Variants in INPP5A observed in about 807,000 individuals in gnomAD.
INPP5A encodes inositol polyphosphate-5-phosphatase A.
In INPP5A, 14 loss-of-function variants were observed where a neutral mutation model predicts 65.2. The observed-to-expected ratio is 0.21, with a 90% CI of 0.14 to 0.34. The LOEUF is 0.34. Among genes scored for constraint, INPP5A ranks in the 10% least tolerant of loss-of-function variants. The pLI is 1.00. For synonymous variants in INPP5A, 207 were observed against 208.3 expected, an observed-to-expected ratio of 0.99 and a Z score of 0.05; for missense variants, 431 against 545.6, an observed-to-expected ratio of 0.79 and a Z score of 2.09.
intron 13 of INPP5A, among the ~76,000 whole-genome samples, chr10:132,779,762 C>T (rs1847127197): frequency 6.6e-6 from 1 of 152,254 alleles, no homozygotes; most frequent in Non-Finnish European, 1.5e-5. Flanking sequence ...CAGCCTCATC[C>T]ATCATGACAC....
chr10:132,552,840 A>G (rs1222234058), intron 1 of INPP5A, among the ~76,000 whole-genome samples: 23 of 109,446 alleles, frequency 2.1e-4, no homozygotes, highest in South Asian at 6.1e-4. Context: ...TGGCATATTG[A>G]GTAGGACAGG....
intron 4 of INPP5A, among the ~76,000 whole-genome samples, chr10:132,690,136 C>T (rs1352460329): frequency 6.6e-6 from 1 of 152,242 alleles, no homozygotes; most frequent in Non-Finnish European, 1.5e-5. Flanking sequence ...CACTCAATGC[C>T]TGGCCCGTGG....
chr10:132,715,084 C>T (rs1246923054), intron 8 of INPP5A, among the ~76,000 whole-genome samples: 1 of 152,198 alleles, frequency 6.6e-6, no homozygotes, highest in African/African-American at 2.4e-5. Flanking sequence ...CAGCCCCGGT[C>T]CCTCTCCTGG....
chr10:132,736,254 G>T (rs1035517251), intron 9 of INPP5A, among the ~76,000 whole-genome samples: 1 of 152,226 alleles, frequency 6.6e-6, no homozygotes, highest in Non-Finnish European at 1.5e-5. Context: ...CAGCTGGGGC[G>T]CTCAGCTGGC....
At chr10:132,634,467 C>T (rs2072315882) in intron 2 of INPP5A, among the ~76,000 whole-genome samples, 3 of 151,770 alleles carry the variant, frequency 2.0e-5, no homozygotes, top group African/African-American at 7.3e-5. Flanking sequence ...GAGGAGTATG[C>T]ATTCTGTGTT....
At chr10:132,688,973 G>A (rs1301095872) in intron 4 of INPP5A, among the ~76,000 whole-genome samples, 2 of 152,004 alleles carry the variant, frequency 1.3e-5, no homozygotes, top group Non-Finnish European at 2.9e-5. Flanking sequence ...GTGTGCATGA[G>A]TGTATGTGTG....
intron 9 of INPP5A, among the ~76,000 whole-genome samples, chr10:132,728,154 T>G (rs937304572): frequency 6.6e-6 from 1 of 152,176 alleles, no homozygotes; most frequent in Non-Finnish European, 1.5e-5. Context: ...TGCCTAAACG[T>G]TCAGTGGCTC....
chr10:132,544,210 C>T (rs1326185217), intron 1 of INPP5A, among the ~76,000 whole-genome samples: 1 of 152,248 alleles, frequency 6.6e-6, no homozygotes, highest in East Asian at 1.9e-4. Flanking sequence ...GTGCCCACTC[C>T]CAGCGAGAAG....
At chr10:132,664,135 G>T (rs2072773472) in intron 4 of INPP5A, among the ~76,000 whole-genome samples, 1 of 152,212 alleles carries the variant, frequency 6.6e-6, no homozygotes, top group East Asian at 1.9e-4. Flanking sequence ...TTGTTGTTCT[G>T]TTCATTTGGC....
At chr10:132,688,692 C>T (rs994838148) in intron 4 of INPP5A, among the ~76,000 whole-genome samples, 8 of 148,862 alleles carry the variant, frequency 5.4e-5, no homozygotes, top group South Asian at 2.1e-4. Flanking sequence ...TGCATGAGTG[C>T]ATGTGTGTGC....
At chr10:132,771,679 C>G (rs939205853) in intron 12 of INPP5A, among the ~76,000 whole-genome samples, 1 of 115,418 alleles carries the variant, frequency 8.7e-6, no homozygotes, top group African/African-American at 3.7e-5. Flanking sequence ...GACAGACACT[C>G]AGCACTGACA....
At chr10:132,712,264 TTGTG>T (rs771392243) in intron 8 of INPP5A, among the ~76,000 whole-genome samples, 54 of 152,150 alleles carry the variant, frequency 3.5e-4, no homozygotes, top group Admixed American at 1.6e-3. Flanking sequence ...ATGTATGTAA[TTGTG>T]TGTGTGCACA....
rs950197184 is a variant in INPP5A at position 132,547,826 on chromosome 10, T to C, written c.75+9655T>C. On this transcript the variant is annotated intron_variant, in intron 1 of 15. Coordinates refer to ENST00000368594, the MANE Select transcript of INPP5A (RefSeq NM_005539.5). The surrounding 1 kb of genome is among the most constrained non-coding windows in gnomAD (Gnocchi z 5.5). ...AAGCTCCCTTCCTGTCATACTGTGCTTTACCGTGACTGTGGCGTCACACTC... is the reference window on the plus strand; with the variant it reads ...AAGCTCCCTTCCTGTCATACTGTGCCTTACCGTGACTGTGGCGTCACACTC... 2.0e-5 allele frequency among the ~76,000 whole-genome samples: 3 copies of C among 152,166 alleles called. No individual in the cohort carries two copies. Among genetic ancestry groups the C allele is most frequent in the African/African-American group, 7.2e-5 (3 of 41,438 alleles).
rs142131886 is a variant in INPP5A at position 132,757,579 on chromosome 10, C to T, written c.903+7734C>T. ...TCGCCTAAGGGTGCGTTTCTCAGACCGTATCCCCGTCGTTCCGTGACACGT... is the reference window on the plus strand; with the variant it reads ...TCGCCTAAGGGTGCGTTTCTCAGACTGTATCCCCGTCGTTCCGTGACACGT... On this transcript the variant is annotated intron_variant, in intron 11 of 15. Coordinates refer to ENST00000368594, the MANE Select transcript of INPP5A (RefSeq NM_005539.5). Among the ~76,000 whole-genome samples, 62 of 152,356 alleles carry T rather than the reference C, an allele frequency of 4.1e-4. No homozygotes were observed. The East Asian group carries it at 7.5e-3, about 18-fold the overall frequency.
chr10:132,564,962 C>A (rs2071254937), intron 1 of INPP5A, among the ~76,000 whole-genome samples: 1 of 152,220 alleles, frequency 6.6e-6, no homozygotes, highest in South Asian at 2.1e-4. Context: ...CCACCCCGCT[C>A]CCCACAGCAG....
rs1020230355 is a variant in INPP5A, at chr10:132,538,061, CG to C, written c.-35del. The C allele has an allele frequency of 5.7e-6, 6 of 1,054,794 alleles. No individual in the cohort carries two copies. Among genetic ancestry groups the C allele is most frequent in the Non-Finnish European group, 6.9e-6 (6 of 870,900 alleles). 65.3% of individuals were successfully genotyped at this position (1,054,794 alleles called of 1,614,324 possible). On this transcript the variant is annotated 5_prime_UTR_variant, in exon 1 of 16. Transcript: ENST00000368594. This position sits in a 1 kb window ranked among gnomAD's most constrained non-coding sequence, Gnocchi z 4.1. ...TCCCGGAGGAAGCGGCCGCCGCCGC[CG>C]CCGCCCAGCCCAGCGCCCGCGCCGC... is the stretch of plus-strand genomic sequence containing the variant.
chr10:132,644,228 G>A lies in INPP5A; in HGVS notation c.118-1640G>A, dbSNP rs748576322. Among the ~76,000 whole-genome samples, 6 of 152,208 alleles carry A rather than the reference G, an allele frequency of 3.9e-5. No homozygotes were observed. The highest frequency in any genetic ancestry group is 2.1e-4 in the South Asian group (1 of 4,836). On this transcript the variant is annotated intron_variant, in intron 2 of 15. Coordinates refer to ENST00000368594, the MANE Select transcript of INPP5A (RefSeq NM_005539.5). This position sits in a 1 kb window ranked among gnomAD's most constrained non-coding sequence, Gnocchi z 6.5. Reference sequence around the variant, plus strand: ...GAGTGCCCGGGGAGCCCACGCCCACGCCCAGGAGGGAGGGGCCCACTCGGT... The same window carrying A: ...GAGTGCCCGGGGAGCCCACGCCCACACCCAGGAGGGAGGGGCCCACTCGGT...
intron 7 of INPP5A, 79 bp from the exon 8 acceptor site, chr10:132,710,258 C>T (rs1417222470): frequency 1.8e-5 from 27 of 1,535,702 alleles, no homozygotes; most frequent in East Asian, 4.8e-5. Flanking sequence ...CTTATCTTCC[C>T]GGGGACTCCT....
chr10:132,630,744 A>G (rs2072258224), intron 2 of INPP5A, among the ~76,000 whole-genome samples: 1 of 141,702 alleles, frequency 7.1e-6, no homozygotes, highest in Non-Finnish European at 1.5e-5. Context: ...CGCACCTGCC[A>G]TGACCCTGGA....
Sources: allele counts gnomAD v4.1 joint callset (sites outside exome capture counted in the v4.1 genomes callset), GRCh38; gene constraint gnomAD v4.1.1; non-coding constraint Gnocchi (gnomAD v3.1); transcripts MANE v1.5; gene names NCBI Gene and HGNC (gene_info 2026-07-23, HGNC 2026-07-21).